Variants in FAM135B observed in about 807,000 individuals in gnomAD.
FAM135B encodes protein FAM135B.
Under a neutral mutation model 127.7 loss-of-function variants are expected in FAM135B, and 43 were observed. That is an observed-to-expected ratio of 0.34 (90% CI 0.26 to 0.43). FAM135B has a LOEUF of 0.43. Among genes scored for constraint, FAM135B ranks in the 20% least tolerant of loss-of-function variants. The pLI is 1.00. For missense variants in FAM135B, 1,558 were observed against 1,725.6 expected (o/e 0.90, Z 1.72); for synonymous variants, 670 against 665.1 (o/e 1.01, Z -0.11).
chr8:138,487,929 G>A (rs1482352382), intron 1 of FAM135B, among the ~76,000 whole-genome samples: 1 of 152,072 alleles, frequency 6.6e-6, no homozygotes, highest in Admixed American at 6.6e-5. Context: ...GCTTGAACCC[G>A]GGAGGCAGAG....
intron 13 of FAM135B, 144 bp from the exon 14 acceptor site, chr8:138,148,830 C>A: frequency 1.8e-6 from 1 of 570,676 alleles, no homozygotes; most frequent in Non-Finnish European, 3.0e-6. Flanking sequence ...CCCCAGGGAA[C>A]ATGCTAGTGA....
At chr8:138,265,446 G>A (rs1014920035) in intron 4 of FAM135B, among the ~76,000 whole-genome samples, 5 of 152,072 alleles carry the variant, frequency 3.3e-5, no homozygotes, top group Non-Finnish European at 5.9e-5. Context: ...CAAATGAGGA[G>A]GGAAGAAGAG....
chr8:138,470,939 T>G (rs1406792621), intron 1 of FAM135B, among the ~76,000 whole-genome samples: 1 of 152,248 alleles, frequency 6.6e-6, no homozygotes, highest in Non-Finnish European at 1.5e-5. Context: ...TGTGCTCCAA[T>G]GAACTCTCTT....
chr8:138,382,476 C>A (rs546894462), intron 1 of FAM135B, among the ~76,000 whole-genome samples: 3 of 152,086 alleles, frequency 2.0e-5, no homozygotes, highest in Non-Finnish European at 4.4e-5. Context: ...GTGAGTAAAC[C>A]ACAGCAGGAC....
At chr8:138,315,818 C>G (rs188683313) in intron 2 of FAM135B, among the ~76,000 whole-genome samples, 1 of 151,562 alleles carries the variant, frequency 6.6e-6, no homozygotes. Flanking sequence ...AAGTCAAACA[C>G]GCAGAAAGAG....
upstream of FAM135B, among the ~76,000 whole-genome samples, chr8:138,497,387 C>T (rs1453213599): frequency 6.6e-6 from 1 of 151,260 alleles, no homozygotes; most frequent in East Asian, 2.0e-4. Context: ...GCCCAGGGCG[C>T]AGGCTGCGGC....
At chr8:138,428,895 T>C (rs1352621580) in intron 1 of FAM135B, among the ~76,000 whole-genome samples, 1 of 152,244 alleles carries the variant, frequency 6.6e-6, no homozygotes, top group Non-Finnish European at 1.5e-5. Flanking sequence ...AGATCATTTA[T>C]GCCTCTATTT....
At chr8:138,375,445 T>A (rs1831409606) in intron 1 of FAM135B, among the ~76,000 whole-genome samples, 1 of 152,012 alleles carries the variant, frequency 6.6e-6, no homozygotes, top group South Asian at 2.1e-4. Context: ...CCAGCCAGGA[T>A]CCAGATATCA....
rs1031491044 is a variant in FAM135B at position 138,241,531 on chromosome 8, C to T, written c.669+1411G>A. 6.6e-6 allele frequency among the ~76,000 whole-genome samples: 1 copy of T among 152,130 alleles called. No individual in the cohort carries two copies. ...AGTTGGGCAGCTTTTGCCACCAGAC[C>T]TCCTGGCTGGGTCTCAGAGCTAGCA... On this transcript the variant is annotated intron_variant, in intron 7 of 19. Coordinates refer to ENST00000395297, the MANE Select transcript of FAM135B (RefSeq NM_015912.4). This position sits in a 1 kb window ranked among gnomAD's most constrained non-coding sequence, Gnocchi z 4.8.
intron 7 of FAM135B, among the ~76,000 whole-genome samples, chr8:138,232,408 T>C (rs1819968492): frequency 6.6e-6 from 1 of 152,176 alleles, no homozygotes; most frequent in Admixed American, 6.5e-5. Context: ...GGTCTATAAT[T>C]TAGCAATACT....
intron 3 of FAM135B, among the ~76,000 whole-genome samples, chr8:138,276,711 C>G (rs769709918): frequency 6.6e-6 from 1 of 152,322 alleles, no homozygotes; most frequent in South Asian, 2.1e-4. Context: ...TTGGTCCCCT[C>G]CCTTCTGTCC....
chr8:138,482,956 TTAA>T (rs1196558831), intron 1 of FAM135B, among the ~76,000 whole-genome samples: 4 of 152,146 alleles, frequency 2.6e-5, no homozygotes, highest in Admixed American at 2.6e-4. Context: ...AAGAATTCAT[TTAA>T]TGACTCCATA....
At chr8:138,274,799 T>C (rs941130081) in intron 3 of FAM135B, among the ~76,000 whole-genome samples, 1 of 152,150 alleles carries the variant, frequency 6.6e-6, no homozygotes, top group African/African-American at 2.4e-5. Flanking sequence ...AGAAGAGAAA[T>C]GTGGATCTGT....
chr8:138,367,860 AACACACACACAC>A lies in FAM135B; in HGVS notation c.77+35_77+46del, dbSNP rs3084240. The A allele has an allele frequency of 8.9e-6, 11 of 1,240,338 alleles. No homozygotes were observed. The African/African-American group carries it at 1.4e-4, about 16-fold the overall frequency. 76.8% of individuals were successfully genotyped at this position (1,240,338 alleles called of 1,614,324 possible). On this transcript the variant is annotated intron_variant, in intron 2 of 19. Transcript: ENST00000395297. ...CCTTCTTCCACGGAAAGAAACAAAC[AACACACACACAC>A]ACACACACACACACAAATTGTAAAG... is the stretch of plus-strand genomic sequence containing the variant.
At chr8:138,416,915 T>C (rs1354051106) in intron 1 of FAM135B, among the ~76,000 whole-genome samples, 1 of 151,336 alleles carries the variant, frequency 6.6e-6, no homozygotes, top group Non-Finnish European at 1.5e-5. Flanking sequence ...GGGGAAGAGG[T>C]GTGTGAAAGA....
Position 138,178,622 on chromosome 8 carries a change from C to T in FAM135B, c.942G>A (p.Met314Ile), listed in dbSNP as rs1487707765. 6.2e-7 allele frequency: 1 copy of T among 1,613,926 alleles called. No homozygotes were observed. Among genetic ancestry groups the T allele is most frequent in the Non-Finnish European group, 8.5e-7 (1 of 1,179,968 alleles). ...SKDLAWLTSH[M>I]MTLWTQFLDT... ...CCAGGAACTGGGTCCACAGAGTCAT[C>T]ATGTGGGACGTGAGCCAGGCCAGAT... Residue 314 changes from methionine to isoleucine, a missense_variant, in exon 10 of 20, where the codon ATG becomes ATA. Around this residue, in one of 5 missense-constraint regions of FAM135B, gnomAD observed 115 missense variants for 171.1 expected, o/e 0.67. Coordinates refer to ENST00000395297, the MANE Select transcript of FAM135B (RefSeq NM_015912.4).
At chr8:138,415,586 C>T (rs1270715776) in intron 1 of FAM135B, among the ~76,000 whole-genome samples, 2 of 152,308 alleles carry the variant, frequency 1.3e-5, no homozygotes, top group East Asian at 3.9e-4. Context: ...CTCAGGTCTC[C>T]TGAATTTATG....
intron 3 of FAM135B, among the ~76,000 whole-genome samples, chr8:138,302,074 T>A (rs532247445): frequency 6.6e-6 from 1 of 152,346 alleles, no homozygotes; most frequent in African/African-American, 2.4e-5. Context: ...GGGTTCCTCA[T>A]GTCGGACTCC....
chr8:138,167,914 G>T lies in FAM135B; in HGVS notation c.1239C>A (p.Tyr413Ter). 2 of 1,613,128 alleles carry T rather than the reference G, an allele frequency of 1.2e-6. No individual in the cohort carries two copies. The highest frequency in any genetic ancestry group is 1.7e-6 in the Non-Finnish European group (2 of 1,179,556). Reference protein sequence around the residue: ...NTLPVIFEDRYVDCPATGHNL... With the variant: ...NTLPVIFEDR The stretch of plus-strand genomic sequence containing the variant: ...ACAAACCTGTCGCAGGGCAGTCCAC[G>T]TATCTGTCCTCAAAGATCACCGGCA... The change falls in exon 12 of 20, where the codon TAC becomes TAA. Residue 413 changes from tyrosine (Y) to a stop codon, truncating the protein, a stop_gained. Transcript: ENST00000395297. LOFTEE classifies it high-confidence loss of function.
Sources: allele counts gnomAD v4.1 joint callset (sites outside exome capture counted in the v4.1 genomes callset), GRCh38; gene constraint gnomAD v4.1.1; regional missense constraint gnomAD v4.1.1; non-coding constraint Gnocchi (gnomAD v3.1); transcripts MANE v1.5; gene names NCBI Gene and HGNC (gene_info 2026-07-23, HGNC 2026-07-21).